The following COL21A1 variants were observed in gnomAD, a reference collection of about 807,000 sequenced individuals.
COL21A1 encodes the protein collagen type XXI alpha 1 chain.
Under a neutral mutation model 137.9 loss-of-function variants are expected in COL21A1, and 149 were observed. That is an observed-to-expected ratio of 1.08 (90% confidence interval 0.95 to 1.24). COL21A1 has a LOEUF of 1.24. COL21A1 is among the 50% of genes most tolerant of loss of function. COL21A1 has a pLI of 0.00. For missense variants in COL21A1, 1,167 were observed against 1,158.4 expected, an observed-to-expected ratio of 1.01 and a Z score of -0.11; for synonymous variants, 456 against 391.5, an observed-to-expected ratio of 1.16 and a Z score of -1.95.
chr6:56,236,758 G>A (rs1404516526), intron 1 of COL21A1, among the ~76,000 whole-genome samples: 2 of 151,910 alleles, frequency 1.3e-5, no homozygotes, highest in Non-Finnish European at 2.9e-5. Context: ...TCTGGCTATG[G>A]CTTGCCTCAA....
At chr6:56,284,532 C>T (rs1424979910) in intron 1 of COL21A1, among the ~76,000 whole-genome samples, 1 of 152,102 alleles carries the variant, frequency 6.6e-6, no homozygotes, top group Non-Finnish European at 1.5e-5. Context: ...GGCTTTTCAT[C>T]TCCATCCCCA....
chr6:56,303,764 C>A (rs1184058369), intron 1 of COL21A1, among the ~76,000 whole-genome samples: 3 of 152,258 alleles, frequency 2.0e-5, no homozygotes, highest in African/African-American at 7.2e-5. Context: ...ACTTCCAACA[C>A]TATGTTGAAT....
intron 1 of COL21A1, among the ~76,000 whole-genome samples, chr6:56,188,803 C>T (rs978128020): frequency 6.6e-6 from 1 of 152,212 alleles, no homozygotes; most frequent in Non-Finnish European, 1.5e-5. Context: ...GCAATCTTTG[C>T]TGTTCTGCAG....
At chr6:56,378,736 C>T (rs917891888) in intron 1 of COL21A1, among the ~76,000 whole-genome samples, 3 of 152,148 alleles carry the variant, frequency 2.0e-5, no homozygotes, top group African/African-American at 7.2e-5. Context: ...CGAACATACG[C>T]AATAGCCAGA....
chr6:56,132,997 C>T (rs1470829867), intron 12 of COL21A1, among the ~76,000 whole-genome samples: 1 of 152,182 alleles, frequency 6.6e-6, no homozygotes, highest in Non-Finnish European at 1.5e-5. Flanking sequence ...TCAGCTATGT[C>T]TTTATCAGCA....
chr6:56,139,558 ACT>A (rs1774263203), intron 12 of COL21A1, among the ~76,000 whole-genome samples: 1 of 151,968 alleles, frequency 6.6e-6, no homozygotes, highest in East Asian at 1.9e-4. Flanking sequence ...ACATGGGTAG[ACT>A]CTCTCCCTGT....
intron 10 of COL21A1, among the ~76,000 whole-genome samples, chr6:56,149,751 T>G (rs1216053631): frequency 6.6e-6 from 1 of 152,114 alleles, no homozygotes; most frequent in Non-Finnish European, 1.5e-5. Flanking sequence ...ATCCCCCAAA[T>G]GCAAGCAGTT....
chr6:56,072,333 G>C lies in COL21A1; in HGVS notation c.1966-1535C>G, dbSNP rs111565663. 3.0e-3 allele frequency among the ~76,000 whole-genome samples: 460 copies of C among 151,592 alleles called. 4 individuals carry two copies. The highest frequency in any genetic ancestry group is 0.011 in the African/African-American group (447 of 41,430). The stretch of plus-strand genomic sequence containing the variant: ...TTGGATACATACCGAGTAAAGGGCA[G>C]ATTTTTTTAAAACCAAAACATAGTA... On this transcript the variant is annotated intron_variant, in intron 20 of 29. Coordinates refer to ENST00000244728, the MANE Select transcript of COL21A1 (RefSeq NM_030820.4).
At chr6:56,202,024 T>G (rs1030699739) in intron 1 of COL21A1, among the ~76,000 whole-genome samples, 1 of 152,158 alleles carries the variant, frequency 6.6e-6, no homozygotes, top group Non-Finnish European at 1.5e-5. Flanking sequence ...CATTTCCAAT[T>G]GAAAAAGTTC....
At chr6:56,182,493 T>C in intron 2 of COL21A1, 38 bp downstream of exon 2, 1 of 1,337,048 alleles carries the variant, frequency 7.5e-7, no homozygotes, top group Non-Finnish European at 1.1e-6. Context: ...CAGATTAATT[T>C]GTTGATAACA....
intron 17 of COL21A1, among the ~76,000 whole-genome samples, chr6:56,079,995 A>T (rs1767610861): frequency 6.6e-6 from 1 of 151,706 alleles, no homozygotes; most frequent in Non-Finnish European, 1.5e-5. Context: ...AACCAGGGAA[A>T]CTGAAATCAT....
intron 1 of COL21A1, chr6:56,331,759 T>C (rs915855149): frequency 6.8e-6 from 1 of 146,018 alleles, no homozygotes; most frequent in African/African-American, 2.4e-5. Context: ...TTTGGCTAAT[T>C]GAACTCTTTT....
chr6:56,154,018 G>C (rs1775533211), intron 10 of COL21A1, among the ~76,000 whole-genome samples: 1 of 152,088 alleles, frequency 6.6e-6, no homozygotes, highest in African/African-American at 2.4e-5. Context: ...CTATGGTTTG[G>C]ATGCTTGCCC....
chr6:56,218,215 A>T (rs988403203), intron 1 of COL21A1, among the ~76,000 whole-genome samples: 1 of 152,230 alleles, frequency 6.6e-6, no homozygotes, highest in South Asian at 2.1e-4. Context: ...TTCAAAGTGT[A>T]AAGAAAATGC....
intron 12 of COL21A1, among the ~76,000 whole-genome samples, chr6:56,138,069 T>C (rs62413478): frequency 0.15 from 22,807 of 152,040 alleles, 1,748 homozygotes; most frequent in Middle Eastern, 0.22. Flanking sequence ...GTTTTTGCCA[T>C]TGAAAGTAAT....
At chr6:56,096,024 T>G (rs1769289642) in intron 17 of COL21A1, among the ~76,000 whole-genome samples, 1 of 152,002 alleles carries the variant, frequency 6.6e-6, no homozygotes, top group South Asian at 2.1e-4. Flanking sequence ...TTTTTTTATT[T>G]TTAGTAGAGA....
chr6:56,157,017 A>T lies in COL21A1; in HGVS notation c.1372-68T>A. Reference sequence around the variant, plus strand: ...CCACATTGGTGCAGTCAGGATCAATAAAAGTTCAAAACCAATTCCATTATT... The same window carrying T: ...CCACATTGGTGCAGTCAGGATCAATTAAAGTTCAAAACCAATTCCATTATT... On this transcript the variant is annotated intron_variant, in intron 9 of 29. Coordinates refer to ENST00000244728, the MANE Select transcript of COL21A1 (RefSeq NM_030820.4). The T allele has an allele frequency of 3.7e-6, 4 of 1,076,068 alleles. No individual in the cohort carries two copies. In the South Asian group the frequency reaches 5.7e-5, roughly 15 times the overall value. The allele number at this position is 1,076,068 out of a possible 1,614,324, so 66.7% of individuals were successfully genotyped here. A position where few individuals can be genotyped will look rare whatever the true frequency, so the allele number is the denominator to read the frequency against.
chr6:56,303,801 T>C (rs955490890), intron 1 of COL21A1, among the ~76,000 whole-genome samples: 2 of 152,206 alleles, frequency 1.3e-5, no homozygotes, highest in African/African-American at 4.8e-5. Flanking sequence ...GGCATCCCTG[T>C]CTTGTACCAG....
intron 1 of COL21A1, among the ~76,000 whole-genome samples, chr6:56,263,382 C>A (rs1424078230): frequency 6.6e-6 from 1 of 152,078 alleles, no homozygotes; most frequent in African/African-American, 2.4e-5. Context: ...GACACAAAGG[C>A]CATATTTGGA....
Sources: allele counts gnomAD v4.1 joint callset (sites outside exome capture counted in the v4.1 genomes callset), GRCh38; gene constraint gnomAD v4.1.1; transcripts MANE v1.5; gene names NCBI Gene and HGNC (gene_info 2026-07-23, HGNC 2026-07-21).